Variants in TBC1D2B observed in about 807,000 individuals in gnomAD.
TBC1D2B encodes the protein TBC1 domain family member 2B.
Under a neutral mutation model 100.8 loss-of-function variants are expected in TBC1D2B, and 64 were observed. The ratio of observed to expected loss-of-function variants is 0.64; its 90% CI spans 0.52 to 0.78. The LOEUF (loss-of-function observed/expected upper bound fraction) is 0.78, where lower values mean the gene tolerates loss of function less well. Ranked by LOEUF, TBC1D2B falls within the 30% of genes least tolerant of loss-of-function variation. The pLI is 0.00. For missense variants in TBC1D2B, 1,052 were observed against 1,218.4 expected (o/e 0.86, Z 2.03); for synonymous variants, 480 against 479.7 (o/e 1.00, Z -0.01).
chr15:78,068,773 C>A (rs2073701148), intron 1 of TBC1D2B, among the ~76,000 whole-genome samples: 1 of 152,230 alleles, frequency 6.6e-6, no homozygotes, highest in African/African-American at 2.4e-5. Flanking sequence ...AAGTACTTCA[C>A]AGAACACTAG....
At chr15:78,068,987 T>G (rs1450188507) in intron 1 of TBC1D2B, among the ~76,000 whole-genome samples, 1 of 115,190 alleles carries the variant, frequency 8.7e-6, no homozygotes, top group East Asian at 2.6e-4. Flanking sequence ...AAACTGACAG[T>G]CACTTCTACA....
intron 10 of TBC1D2B, among the ~76,000 whole-genome samples, chr15:78,005,878 T>G (rs1432885677): frequency 1.3e-5 from 2 of 152,248 alleles, no homozygotes; most frequent in Non-Finnish European, 2.9e-5. Flanking sequence ...GACAATGTGA[T>G]GCAAATTTTA....
intron 5 of TBC1D2B, among the ~76,000 whole-genome samples, chr15:78,024,774 C>T (rs542690930): frequency 6.6e-6 from 1 of 152,296 alleles, no homozygotes; most frequent in African/African-American, 2.4e-5. Flanking sequence ...AAATAATGGA[C>T]ATGTCCACTA....
intron 2 of TBC1D2B, among the ~76,000 whole-genome samples, chr15:78,048,589 CTCTGAGGGAGTT>C (rs1462534959): frequency 3.3e-5 from 5 of 152,212 alleles, no homozygotes; most frequent in African/African-American, 1.2e-4. Context: ...TAAATGAAAA[CTCTGAGGGAGTT>C]TCCGACTGCA....
At chr15:78,057,633 G>C (rs1200024025) in intron 1 of TBC1D2B, among the ~76,000 whole-genome samples, 1 of 151,960 alleles carries the variant, frequency 6.6e-6, no homozygotes, top group Admixed American at 6.6e-5. Flanking sequence ...GCGACAGTGA[G>C]ACTCTGTCTC....
At position 78,044,885 on chromosome 15, in the gene TBC1D2B, T is replaced by C; in HGVS notation, c.683+15A>G. The stretch of plus-strand genomic sequence containing the variant: ...ACCCATTTTCAATTTCATATGCTGC[T>C]TTCTAAAGACTCACTTGAGCTCATT... On this transcript the variant is annotated intron_variant, in intron 3 of 12. Coordinates refer to ENST00000300584, the MANE Select transcript of TBC1D2B (RefSeq NM_144572.2). The C allele has an allele frequency of 6.3e-7, 1 of 1,585,012 alleles. No homozygotes were observed.
intron 1 of TBC1D2B, among the ~76,000 whole-genome samples, chr15:78,067,341 C>T (rs1306230203): frequency 6.6e-6 from 1 of 152,158 alleles, no homozygotes; most frequent in Non-Finnish European, 1.5e-5. Flanking sequence ...ACACCCAAAA[C>T]AGACACAGAA....
intron 1 of TBC1D2B, 131 bp downstream of exon 1, chr15:78,077,162 A>C (rs2141857763): frequency 8.2e-7 from 1 of 1,223,490 alleles, no homozygotes; most frequent in South Asian, 1.8e-5. Flanking sequence ...GTGGAGAAGC[A>C]GGGAAAGGCA....
intron 11 of TBC1D2B, among the ~76,000 whole-genome samples, chr15:78,002,207 TAC>T (rs1242926771): frequency 6.6e-6 from 1 of 152,168 alleles, no homozygotes; most frequent in Non-Finnish European, 1.5e-5. Context: ...ATTTTTGAGA[TAC>T]AGTCTTGCTC....
At position 78,001,659 on chromosome 15, in the gene TBC1D2B, TA is replaced by T; in HGVS notation, c.2655del (p.Phe885LeufsTer17). Reference sequence around the variant, plus strand: ...GTGCGAGTGAAGTAGCGGAGATACTTAAATATAGACATCGAATCTTGCAATT... The same window carrying T: ...GTGCGAGTGAAGTAGCGGAGATACTTAATATAGACATCGAATCTTGCAATT... ...ILKLQDSMSIFKYLRYFTRTI... is the reference protein window; with the variant it reads ...ILKLQDSMSIXKYLRYFTRTI... On this transcript the variant is annotated frameshift_variant, in exon 12 of 13. Transcript: ENST00000300584. LOFTEE classifies it high-confidence loss of function. 2 of 1,608,664 alleles carry T rather than the reference TA, an allele frequency of 1.2e-6. No individual in the cohort carries two copies. The highest frequency in any genetic ancestry group is 1.7e-6 in the Non-Finnish European group (2 of 1,177,494).
At chr15:78,009,827 T>C (rs1199014552) in intron 9 of TBC1D2B, among the ~76,000 whole-genome samples, 1 of 151,470 alleles carries the variant, frequency 6.6e-6, no homozygotes, top group Non-Finnish European at 1.5e-5. Flanking sequence ...ACAAAAAAAT[T>C]AGCCAGGCGC....
intron 1 of TBC1D2B, among the ~76,000 whole-genome samples, chr15:78,056,686 C>CTTTTTTTTTTTTTT (rs368714497): frequency 6.2e-5 from 7 of 112,902 alleles, no homozygotes; most frequent in African/African-American, 2.8e-4. Context: ...CAGTCCTCCT[C>CTTTTTTTTTTTTTT]TTTTTTTTTT....
rs1471917186 is a variant in TBC1D2B, at chr15:78,040,882, G to GAAAGAAAGAAAGAAAGAAAGAA, written c.683+4017_683+4018insTTCTTTCTTTCTTTCTTTCTTT. ...AGAAAGAAAGAAAGAAAGAAAGAAA[G>GAAAGAAAGAAAGAAAGAAAGAA]AGAGAGAGAGAGAAAGAAAGAAAGA... is the stretch of plus-strand genomic sequence containing the variant. On this transcript the variant is annotated intron_variant, in intron 3 of 12. Coordinates refer to ENST00000300584, the MANE Select transcript of TBC1D2B (RefSeq NM_144572.2). Among the ~76,000 whole-genome samples, 270 of 130,152 alleles carry GAAAGAAAGAAAGAAAGAAAGAA rather than the reference G, an allele frequency of 2.1e-3. 1 individual carries two copies. The highest frequency in any genetic ancestry group is 3.0e-3 in the Non-Finnish European group (186 of 61,886). 85.4% of individuals were successfully genotyped at this position (130,152 alleles called of 152,430 possible).
intron 12 of TBC1D2B, 112 bp from the exon 13 acceptor site, chr15:77,998,467 C>G: frequency 9.7e-7 from 1 of 1,027,212 alleles, no homozygotes; most frequent in African/African-American, 1.6e-5. Flanking sequence ...AGAGCGCTGG[C>G]CAGGCTTGGG....
rs2072288051 is a variant in TBC1D2B, at chr15:78,013,424, T to C, written c.1776-107A>G. On this transcript the variant is annotated intron_variant, in intron 8 of 12. Coordinates refer to ENST00000300584, the MANE Select transcript of TBC1D2B (RefSeq NM_144572.2). ...AAACCAAATCAGGCACACGTGGTACTTTGAACTATGAGAAGCATTTCAAAT... is the reference window on the plus strand; with the variant it reads ...AAACCAAATCAGGCACACGTGGTACCTTGAACTATGAGAAGCATTTCAAAT... The C allele has an allele frequency of 6.6e-6, 7 of 1,057,516 alleles. No individual in the cohort carries two copies. In the South Asian group the frequency reaches 1.0e-4, roughly 16 times the overall value. The allele number at this position is 1,057,516 out of a possible 1,614,324, so 65.5% of individuals were successfully genotyped here.
intron 3 of TBC1D2B, among the ~76,000 whole-genome samples, chr15:78,038,520 A>C (rs2073002519): frequency 6.6e-6 from 1 of 152,246 alleles, no homozygotes; most frequent in Non-Finnish European, 1.5e-5. Context: ...CGGGACCCTG[A>C]AGGCCATGTT....
intron 9 of TBC1D2B, among the ~76,000 whole-genome samples, chr15:78,010,180 G>A (rs1179766101): frequency 6.6e-6 from 1 of 152,160 alleles, no homozygotes; most frequent in African/African-American, 2.4e-5. Flanking sequence ...GCACCCCAAA[G>A]GAGCTAACAG....
chr15:78,059,235 T>C (rs1295952497), intron 1 of TBC1D2B, among the ~76,000 whole-genome samples: 1 of 152,216 alleles, frequency 6.6e-6, no homozygotes, highest in African/African-American at 2.4e-5. Context: ...CTAACCCAAG[T>C]TCCTTAAAGG....
At chr15:78,027,605 TAAG>T (rs765214463) in intron 4 of TBC1D2B, among the ~76,000 whole-genome samples, 49 of 152,304 alleles carry the variant, frequency 3.2e-4, no homozygotes, top group African/African-American at 1.1e-3. Flanking sequence ...GGCAGAGGGC[TAAG>T]AAGGCTGTCA....
Sources: allele counts gnomAD v4.1 joint callset (sites outside exome capture counted in the v4.1 genomes callset), GRCh38; gene constraint gnomAD v4.1.1; transcripts MANE v1.5; gene names NCBI Gene and HGNC (gene_info 2026-07-23, HGNC 2026-07-21).